Variants in SH3RF3 observed in about 807,000 individuals in gnomAD.
SH3RF3 encodes SH3 domain containing ring finger 3, also known as E3 ubiquitin-protein ligase SH3RF3.
In SH3RF3, 29 loss-of-function variants were observed where a neutral mutation model predicts 66.3. The observed-to-expected ratio is 0.44, with a 90% CI of 0.33 to 0.60. The LOEUF (loss-of-function observed/expected upper bound fraction) is 0.60. Ranked by LOEUF, SH3RF3 falls within the 20% of genes least tolerant of loss-of-function variation. The pLI is 0.04. For missense variants in SH3RF3, 1,194 were observed against 1,190.9 expected (o/e 1.00, Z -0.04); for synonymous variants, 583 against 532.0 (o/e 1.10, Z -1.32).
intron 3 of SH3RF3, among the ~76,000 whole-genome samples, chr2:109,391,989 A>T (rs6732253): frequency 0.21 from 31,611 of 151,792 alleles, 5,168 homozygotes; most frequent in African/African-American, 0.45. Flanking sequence ...AGCTAATTTT[A>T]ATTTTTTACA....
In SH3RF3 at chr2:109,341,240, G is replaced by A. The variant is rs191624963; in HGVS notation, c.574-6434G>A. ...AAAGGAACTCGAAATATAATTATCT[G>A]TAAAACAAAAACCTGGGAACCTCTG... On this transcript the variant is annotated intron_variant, in intron 1 of 9. Transcript: ENST00000309415. 8.5e-5 allele frequency among the ~76,000 whole-genome samples: 13 copies of A among 152,308 alleles called. No homozygotes were observed. In the East Asian group the frequency reaches 2.3e-3, roughly 27 times the overall value.
chr2:109,475,931 C>A (rs575902462), intron 8 of SH3RF3, among the ~76,000 whole-genome samples: 1 of 152,106 alleles, frequency 6.6e-6, no homozygotes, highest in African/African-American at 2.4e-5. Flanking sequence ...ACAAAAGAGC[C>A]CTAGGCCAAC....
intron 1 of SH3RF3, among the ~76,000 whole-genome samples, chr2:109,210,363 G>A (rs967974811): frequency 7.2e-5 from 11 of 152,212 alleles, no homozygotes; most frequent in Non-Finnish European, 1.5e-4. Context: ...GATCTGTGAA[G>A]TCCAAAGCGG....
chr2:109,238,158 C>T (rs923727154), intron 1 of SH3RF3, among the ~76,000 whole-genome samples: 7 of 151,952 alleles, frequency 4.6e-5, no homozygotes, highest in African/African-American at 1.5e-4. Context: ...CATGATCATG[C>T]GGGTGCACTC....
chr2:109,389,361 G>A (rs553294004), intron 3 of SH3RF3, among the ~76,000 whole-genome samples: 39 of 152,312 alleles, frequency 2.6e-4, no homozygotes, highest in African/African-American at 8.9e-4. Flanking sequence ...CCTGGGTGCC[G>A]ACAGCTTTCT....
chr2:109,290,411 G>C (rs560734126), intron 1 of SH3RF3, among the ~76,000 whole-genome samples: 1 of 152,330 alleles, frequency 6.6e-6, no homozygotes, highest in Admixed American at 6.5e-5. Context: ...CCTTCAACCT[G>C]CCACACACGA....
rs960462200 is a variant in SH3RF3, at chr2:109,453,845, C to T, written c.2148+4356C>T. 5.3e-5 allele frequency among the ~76,000 whole-genome samples: 8 copies of T among 152,142 alleles called. 1 individual carries two copies. The highest frequency in any genetic ancestry group is 1.4e-4 in the African/African-American group (6 of 41,418). On this transcript the variant is annotated intron_variant, in intron 8 of 9. Coordinates refer to ENST00000309415, the MANE Select transcript of SH3RF3 (RefSeq NM_001099289.3). ...GTCAGCCCAGGTCAGGGGAGACTTC[C>T]CGGGGCACAGATGGGAGGATCCTTG...
chr2:109,267,776 C>T (rs555185017), intron 1 of SH3RF3, among the ~76,000 whole-genome samples: 3 of 152,358 alleles, frequency 2.0e-5, no homozygotes, highest in Admixed American at 6.5e-5. Context: ...TGCGTCTGTC[C>T]CTGGAGCGAG....
At chr2:109,427,771 G>A (rs1300514567) in intron 5 of SH3RF3, among the ~76,000 whole-genome samples, 1 of 152,234 alleles carries the variant, frequency 6.6e-6, no homozygotes, top group Non-Finnish European at 1.5e-5. Flanking sequence ...GGGATCCCAG[G>A]AAATCAGAAG....
chr2:109,193,812 G>A lies in SH3RF3; in HGVS notation c.573+63699G>A, dbSNP rs532918944. 3.9e-5 allele frequency among the ~76,000 whole-genome samples: 6 copies of A among 152,308 alleles called. No homozygotes were observed. The South Asian group carries it at 1.2e-3, about 32-fold the overall frequency. On this transcript the variant is annotated intron_variant, in intron 1 of 9. Coordinates refer to ENST00000309415, the MANE Select transcript of SH3RF3 (RefSeq NM_001099289.3). ...TGCAGTGCTTAGTGCCTTAGAAAGG[G>A]TGTTTTCTACCCAGCACCTGATTTA...
At chr2:109,440,072 C>T (rs10171859) in intron 7 of SH3RF3, among the ~76,000 whole-genome samples, 2,370 of 152,264 alleles carry the variant, frequency 0.016, 49 homozygotes, top group African/African-American at 0.053. Context: ...AGCAGAGGAA[C>T]CAGCATGAGC....
chr2:109,347,513 G>T (rs1682737379), intron 1 of SH3RF3, among the ~76,000 whole-genome samples, 161 bp from the exon 2 acceptor site: 1 of 152,106 alleles, frequency 6.6e-6, no homozygotes, highest in Non-Finnish European at 1.5e-5. Flanking sequence ...ATGTTCCTGT[G>T]ACAGGCTGTT....
At chr2:109,288,875 C>T (rs1007695960) in intron 1 of SH3RF3, among the ~76,000 whole-genome samples, 6 of 152,054 alleles carry the variant, frequency 3.9e-5, no homozygotes, top group African/African-American at 7.3e-5. Context: ...ATGGGTGTTC[C>T]GTAAAGAAAG....
chr2:109,356,615 G>A (rs1682948278), intron 2 of SH3RF3, among the ~76,000 whole-genome samples: 1 of 152,164 alleles, frequency 6.6e-6, no homozygotes, highest in South Asian at 2.1e-4. Flanking sequence ...CCAGGGCTTG[G>A]CACTTAGGAG....
chr2:109,406,077 T>G (rs1413509553), intron 4 of SH3RF3, among the ~76,000 whole-genome samples: 10 of 152,238 alleles, frequency 6.6e-5, no homozygotes, highest in African/African-American at 2.4e-4. Context: ...TGCAGCCGGC[T>G]GAGCCTCAGA....
At chr2:109,223,092 C>T (rs999546149) in intron 1 of SH3RF3, among the ~76,000 whole-genome samples, 10 of 152,262 alleles carry the variant, frequency 6.6e-5, no homozygotes, top group African/African-American at 2.4e-4. Flanking sequence ...GATGCTTCTC[C>T]ATCCCAGACA....
intron 1 of SH3RF3, among the ~76,000 whole-genome samples, chr2:109,322,479 C>T (rs1682048835): frequency 1.3e-5 from 2 of 152,168 alleles, no homozygotes; most frequent in Non-Finnish European, 2.9e-5. Flanking sequence ...TAAAATTGTC[C>T]ATCTTAAGGA....
chr2:109,249,523 C>CTT (rs1463964289), intron 1 of SH3RF3, among the ~76,000 whole-genome samples: 1,247 of 106,930 alleles, frequency 0.012, 10 homozygotes, highest in East Asian at 0.018. Flanking sequence ...CTTTCTTTTT[C>CTT]TTTCTTTCTT....
At chr2:109,160,600 G>A (rs1348778397) in intron 1 of SH3RF3, among the ~76,000 whole-genome samples, 1 of 152,190 alleles carries the variant, frequency 6.6e-6, no homozygotes, top group African/African-American at 2.4e-5. Context: ...ACATTTGTGA[G>A]TCCTGTTTTC....
Sources: gnomAD v4.1 joint callset for allele counts (sites outside exome capture counted in the v4.1 genomes callset) on GRCh38, gnomAD v4.1.1 for gene constraint, MANE v1.5 for transcripts, NCBI Gene and HGNC (gene_info 2026-07-23, HGNC 2026-07-21) for gene names.